EPB41L3: variants seen among roughly 807,000 people sequenced by gnomAD.
EPB41L3 encodes band 4.1-like protein 3.
EPB41L3 carries 57 observed loss-of-function variants against 127.1 expected under a neutral mutation model. The observed-to-expected ratio is 0.45, with a 90% CI of 0.36 to 0.56. EPB41L3 has a LOEUF of 0.56. Among genes scored for constraint, EPB41L3 ranks in the 20% least tolerant of loss-of-function variants. The pLI is 0.00. For missense variants in EPB41L3, 1,273 were observed against 1,372.2 expected (o/e 0.93, Z 1.14); for synonymous variants, 572 against 549.5 (o/e 1.04, Z -0.57).
intron 3 of EPB41L3, among the ~76,000 whole-genome samples, chr18:5,608,983 A>G (rs528518584): frequency 5.3e-5 from 8 of 152,248 alleles, no homozygotes; most frequent in Non-Finnish European, 8.8e-5. Flanking sequence ...TACTTACACC[A>G]GAATAGAAAA....
intron 3 of EPB41L3, among the ~76,000 whole-genome samples, chr18:5,457,913 A>AG (rs542890590): frequency 1.2e-3 from 183 of 152,180 alleles, no homozygotes; most frequent in Non-Finnish European, 2.0e-3. Flanking sequence ...TGCCACTGTC[A>AG]GGGGGGCACT....
At chr18:5,439,477 T>C (rs1010943460) in intron 5 of EPB41L3, among the ~76,000 whole-genome samples, 1 of 152,224 alleles carries the variant, frequency 6.6e-6, no homozygotes, top group African/African-American at 2.4e-5. Context: ...CATTCTGTCA[T>C]AAATGGCATA....
At chr18:5,494,584 G>A (rs775028162) in intron 1 of EPB41L3, among the ~76,000 whole-genome samples, 1 of 152,030 alleles carries the variant, frequency 6.6e-6, no homozygotes, top group South Asian at 2.1e-4. Flanking sequence ...TTGAACCGGG[G>A]AGGCAGAGGT....
At chr18:5,547,632 CCAGAGAAAAGGTG>C (rs2093902144), upstream of EPB41L3, among the ~76,000 whole-genome samples, 1 of 152,092 alleles carries the variant, frequency 6.6e-6, no homozygotes, top group Non-Finnish European at 1.5e-5. Context: ...AGAATTCTAG[CCAGAGAAAAGGTG>C]CAGAGAAAAG....
At chr18:5,436,403 CTTTTTTT>C (rs34862547) in intron 6 of EPB41L3, among the ~76,000 whole-genome samples, 8 of 100,628 alleles carry the variant, frequency 8.0e-5, no homozygotes, top group East Asian at 3.6e-4. Context: ...CATTTTCTTT[CTTTTTTT>C]TTTTTTTTTT....
rs769039231 is a variant in EPB41L3, at chr18:5,489,014, G to C, written c.170C>G (p.Pro57Arg). Residue 57 changes from proline (P) to arginine (R), a missense_variant, in exon 2 of 23, where the codon CCG (proline) becomes CGG (arginine). Transcript: ENST00000341928. Reference protein sequence around the residue: ...QFAAAAAHSTPVRREVTDKEQ... With the variant: ...QFAAAAAHSTRVRREVTDKEQ... ...GCCTGGGCTCACCTCCCTCCGCACC[G>C]GGGTGCTGTGCGCTGCAGCGGCGGC... 2 of 1,584,038 alleles carry C rather than the reference G, an allele frequency of 1.3e-6. No homozygotes were observed. Among genetic ancestry groups the C allele is most frequent in the African/African-American group, 1.4e-5 (1 of 72,082 alleles).
chr18:5,464,172 C>A lies in EPB41L3; in HGVS notation c.381+14069G>T, dbSNP rs191662528. On this transcript the variant is annotated intron_variant, in intron 3 of 22. Coordinates refer to ENST00000341928, the MANE Select transcript of EPB41L3 (RefSeq NM_012307.5). ...ATCACGCACATAGTTAGAACTATTC[C>A]GGAAATTTAAAGAATTAAACTAAAT... Among the ~76,000 whole-genome samples the A allele has an allele frequency of 2.6e-5, 4 of 152,210 alleles. No homozygotes were observed. In the East Asian group the frequency reaches 7.7e-4, roughly 29 times the overall value.
intron 5 of EPB41L3, among the ~76,000 whole-genome samples, chr18:5,440,692 A>T (rs1166646148): frequency 2.0e-5 from 3 of 152,250 alleles, no homozygotes; most frequent in African/African-American, 7.2e-5. Flanking sequence ...TATGCCAGAC[A>T]AATCTTAAAA....
chr18:5,433,476 T>C lies in EPB41L3; in HGVS notation c.905A>G (p.His302Arg). ...KLSMYGVDLH[H>R]AKDSEGVEIM... ...GTTTAAAAAGATGCATACCTTAGCA[T>C]GATGTAAATCTACCCCATACATTGA... The change falls in exon 8 of 23, where the codon CAT (histidine) becomes CGT (arginine). Residue 302 changes from histidine to arginine, a missense_variant. Physicochemically the swap from His to Arg is conservative, Grantham distance 29 (BLOSUM62 0). This residue lies in a region of EPB41L3 where 326 missense variants were observed against 440.2 expected (regional missense o/e 0.74). Transcript: ENST00000341928. 1 of 1,611,026 alleles carries C rather than the reference T, an allele frequency of 6.2e-7. No individual in the cohort carries two copies. Among genetic ancestry groups the C allele is most frequent in the Non-Finnish European group, 8.5e-7 (1 of 1,177,584 alleles).
At chr18:5,398,449 A>G (rs2073954348) in intron 16 of EPB41L3, 1 of 437,020 alleles carries the variant, frequency 2.3e-6, no homozygotes, top group Non-Finnish European at 4.0e-6. Flanking sequence ...GGAGCTGGAA[A>G]TAAAATGGAA....
In EPB41L3 at chr18:5,563,724, T is replaced by C. The variant is rs1006759358; in HGVS notation, c.-306+48616A>G. On this transcript the variant is annotated intron_variant, in intron 3 of 21. Transcript: ENST00000545076. ...CCCAACTGGGGGTGGTGCCATTTTT[T>C]GATAAAGGAGAAGGGATTGGGGAGA... Among the ~76,000 whole-genome samples the C allele has an allele frequency of 5.9e-5, 9 of 152,156 alleles. 1 individual carries two copies. The highest frequency in any genetic ancestry group is 5.9e-4 in the Admixed American group (9 of 15,270).
intron 3 of EPB41L3, among the ~76,000 whole-genome samples, chr18:5,467,162 C>T (rs1047021690): frequency 3.3e-5 from 5 of 152,140 alleles, no homozygotes; most frequent in African/African-American, 4.8e-5. Flanking sequence ...AGAGCTTTGT[C>T]GAGCCTTGAA....
intron 11 of EPB41L3, among the ~76,000 whole-genome samples, chr18:5,420,740 G>A (rs1272357196): frequency 1.3e-5 from 2 of 152,092 alleles, no homozygotes; most frequent in African/African-American, 4.8e-5. Context: ...ATTATTTTAG[G>A]TTTTAGATAT....
rs149324618 is a variant in EPB41L3 at position 5,607,370 on chromosome 18, G to A, written c.-306+4970C>T. On this transcript the variant is annotated intron_variant, in intron 3 of 21. Transcript: ENST00000545076. ...CCTCATTCTGGCTGAGCCCTTCCACGGCGAGGCTCTATGAGTGTCTACACT... is the reference window on the plus strand; with the variant it reads ...CCTCATTCTGGCTGAGCCCTTCCACAGCGAGGCTCTATGAGTGTCTACACT... Among the ~76,000 whole-genome samples, 300 of 152,280 alleles carry A rather than the reference G, an allele frequency of 2.0e-3. 1 individual carries two copies. The highest frequency in any genetic ancestry group is 0.015 in the Admixed American group (223 of 15,292).
chr18:5,411,977 C>T (rs2076253982), intron 13 of EPB41L3, among the ~76,000 whole-genome samples: 1 of 152,114 alleles, frequency 6.6e-6, no homozygotes, highest in Non-Finnish European at 1.5e-5. Context: ...GCGTGTTGAC[C>T]CATTTTCATG....
At chr18:5,435,023 T>C (rs1015295960) in intron 6 of EPB41L3, among the ~76,000 whole-genome samples, 9 of 152,120 alleles carry the variant, frequency 5.9e-5, no homozygotes, top group Non-Finnish European at 1.3e-4. Context: ...GCTAATAATA[T>C]ATGTGTTTAT....
intron 1 of EPB41L3, chr18:5,508,252 T>C (rs1234178995): frequency 6.6e-6 from 1 of 152,170 alleles, no homozygotes; most frequent in Non-Finnish European, 1.5e-5. Context: ...CAAAAAATCT[T>C]CTTTACTTTC....
chr18:5,447,872 T>C (rs1269513190), intron 3 of EPB41L3, among the ~76,000 whole-genome samples: 1 of 152,234 alleles, frequency 6.6e-6, no homozygotes, highest in Non-Finnish European at 1.5e-5. Flanking sequence ...CTGAATATTT[T>C]AAACATATTT....
intron 3 of EPB41L3, among the ~76,000 whole-genome samples, chr18:5,453,305 T>G (rs770829646): frequency 6.6e-6 from 1 of 152,208 alleles, no homozygotes; most frequent in Non-Finnish European, 1.5e-5. Flanking sequence ...GTTATCTATC[T>G]GAAGCTGTAC....
Sources: allele counts gnomAD v4.1 joint callset (sites outside exome capture counted in the v4.1 genomes callset), GRCh38; gene constraint gnomAD v4.1.1; regional missense constraint gnomAD v4.1.1; transcripts MANE v1.5; gene names NCBI Gene and HGNC (gene_info 2026-07-23, HGNC 2026-07-21).